The following KIFBP variants were observed in gnomAD, a reference collection of about 807,000 sequenced individuals.
KIFBP encodes KIF-binding protein.
In KIFBP, 46 loss-of-function variants were observed where a neutral mutation model predicts 58.9. The ratio of observed to expected loss-of-function variants is 0.78; its 90% CI spans 0.62 to 1.00. The LOEUF (loss-of-function observed/expected upper bound fraction) is 1.00. KIFBP is among the 50% of genes least tolerant of loss of function. The pLI is 0.00. For missense variants in KIFBP, 651 were observed against 752.9 expected, an observed-to-expected ratio of 0.86 and a Z score of 1.58; for synonymous variants, 241 against 283.4, an observed-to-expected ratio of 0.85 and a Z score of 1.50.
Position 68,994,174 on chromosome 10 carries a change from A to G in KIFBP, c.426+4916A>G, listed in dbSNP as rs201852755. ...GCACTCCAGCCTGGGTGACAGAGTA[A>G]GACCCTGTCTCAGAAAAAAAAAAAA... On this transcript the variant is annotated intron_variant, in intron 1 of 6. Transcript: ENST00000361983. Among the ~76,000 whole-genome samples, 18 of 152,162 alleles carry G rather than the reference A, an allele frequency of 1.2e-4. No homozygotes were observed. In the East Asian group the frequency reaches 3.1e-3, roughly 26 times the overall value.
At chr10:69,003,634 A>G (rs1298562360) in intron 2 of KIFBP, among the ~76,000 whole-genome samples, 1 of 152,164 alleles carries the variant, frequency 6.6e-6, no homozygotes, top group African/African-American at 2.4e-5. Context: ...AGATACTGTT[A>G]TTACCCTTAT....
chr10:69,016,692 A>G lies in KIFBP; in HGVS notation c.*276A>G. On this transcript the variant is annotated 3_prime_UTR_variant, in exon 7 of 7. Transcript: ENST00000361983. ...ACAGACATTTCTACCCTCAGTTTCTAAATGTAGACTATTTGTTGGCTAGTA... is the reference window on the plus strand; with the variant it reads ...ACAGACATTTCTACCCTCAGTTTCTGAATGTAGACTATTTGTTGGCTAGTA... The G allele has an allele frequency of 2.6e-6, 1 of 390,812 alleles. No homozygotes were observed. The highest frequency in any genetic ancestry group is 4.6e-6 in the Non-Finnish European group (1 of 215,070). 24.2% of individuals were successfully genotyped at this position (390,812 alleles called of 1,614,324 possible). A position where few individuals can be genotyped will look rare whatever the true frequency, so the allele number is the denominator to read the frequency against.
intron 1 of KIFBP, among the ~76,000 whole-genome samples, chr10:68,995,609 TATCTTTGTTTA>T: frequency 6.6e-6 from 1 of 152,388 alleles, no homozygotes; most frequent in Non-Finnish European, 1.5e-5. Context: ...TTTCTTGTTA[TATCTTTGTTTA>T]ATATGAGATG....
chr10:68,994,698 A>G (rs1843386262), intron 1 of KIFBP, among the ~76,000 whole-genome samples: 1 of 152,122 alleles, frequency 6.6e-6, no homozygotes, highest in African/African-American at 2.4e-5. Flanking sequence ...TTGAGTTGCA[A>G]TTGGCATATA....
At position 69,008,391 on chromosome 10, in the gene KIFBP, A is replaced by AAAAAAAAAAT; in HGVS notation, c.790-449_790-448insAAAAAAAATA. ...CCCCTGTCTCGTAAAAAAAAAAAAAAATATATATATATATATATATATATA... is the reference window on the plus strand; with the variant it reads ...CCCCTGTCTCGTAAAAAAAAAAAAAAAAAAAAAAATATATATATATATATATATATATATA... On this transcript the variant is annotated intron_variant, in intron 4 of 6. Coordinates refer to ENST00000361983, the MANE Select transcript of KIFBP (RefSeq NM_015634.4). 1.8e-4 allele frequency among the ~76,000 whole-genome samples: 13 copies of AAAAAAAAAAT among 71,612 alleles called. 1 individual carries two copies. Among genetic ancestry groups the AAAAAAAAAAT allele is most frequent in the African/African-American group, 1.0e-3 (13 of 12,882 alleles). 47.0% of individuals were successfully genotyped at this position (71,612 alleles called of 152,430 possible).
At chr10:69,007,184 G>C (rs1225453039) in intron 4 of KIFBP, among the ~76,000 whole-genome samples, 1 of 152,200 alleles carries the variant, frequency 6.6e-6, no homozygotes, top group Admixed American at 6.6e-5. Flanking sequence ...AAAATTTAAA[G>C]TTGTTAAGCA....
chr10:68,997,155 A>G (rs969555207), intron 1 of KIFBP, among the ~76,000 whole-genome samples: 1 of 152,164 alleles, frequency 6.6e-6, no homozygotes, highest in South Asian at 2.1e-4. Context: ...TTGAGATTGG[A>G]TAGTTCTCTC....
intron 2 of KIFBP, among the ~76,000 whole-genome samples, chr10:69,003,581 G>A (rs1202116407): frequency 1.3e-5 from 2 of 152,124 alleles, no homozygotes; most frequent in Non-Finnish European, 2.9e-5. Flanking sequence ...ACGTAAGAGG[G>A]GGTTGTAAGT....
At chr10:68,998,377 T>C (rs2132109409) in intron 1 of KIFBP, among the ~76,000 whole-genome samples, 1 of 152,328 alleles carries the variant, frequency 6.6e-6, no homozygotes, top group East Asian at 1.9e-4. Context: ...TATTTTGAGA[T>C]ATCTGCAAAC....
chr10:69,016,490 T>C lies in KIFBP; in HGVS notation c.*74T>C. On this transcript the variant is annotated 3_prime_UTR_variant, in exon 7 of 7. Transcript: ENST00000361983. The stretch of plus-strand genomic sequence containing the variant: ...CCCTAGTCAGACAGGCCCAATTCCA[T>C]TGTGATGTTTACCTTTATAGCCAGG... 2.0e-6 allele frequency: 3 copies of C among 1,478,676 alleles called. No homozygotes were observed. The highest frequency in any genetic ancestry group is 3.4e-5 in the Admixed American group (2 of 58,788). The allele number at this position is 1,478,676 out of a possible 1,614,324, so 91.6% of individuals were successfully genotyped here. A position where few individuals can be genotyped will look rare whatever the true frequency, so the allele number is the denominator to read the frequency against.
At position 69,011,070 on chromosome 10, in the gene KIFBP, A is replaced by C; in HGVS notation, c.990+55A>C. The C allele has an allele frequency of 4.2e-6, 5 of 1,195,408 alleles. No individual in the cohort carries two copies. In the East Asian group the frequency reaches 1.2e-4, roughly 28 times the overall value. The allele number at this position is 1,195,408 out of a possible 1,614,324, so 74.1% of individuals were successfully genotyped here. ...TCTTAAATGAGGAAATTGTAAGTAAAAACTCATAGTGGGGATTGTGCTCAT... is the reference window on the plus strand; with the variant it reads ...TCTTAAATGAGGAAATTGTAAGTAACAACTCATAGTGGGGATTGTGCTCAT... On this transcript the variant is annotated intron_variant, in intron 6 of 6. Coordinates refer to ENST00000361983, the MANE Select transcript of KIFBP (RefSeq NM_015634.4).
rs764512939 is a variant in KIFBP, at chr10:69,000,526, T to G, written c.525+4T>G. 3 of 1,537,976 alleles carry G rather than the reference T, an allele frequency of 2.0e-6. No homozygotes were observed. In the Admixed American group the frequency reaches 5.0e-5, roughly 26 times the overall value. ...ATATAATCAGTATATGAAAGAGGTA[T>G]GTTACATGTCAGATGAGTTTTAAGT... On this transcript the variant is annotated splice_donor_region_variant and intron_variant, in intron 2 of 6. Transcript: ENST00000361983.
At chr10:69,008,391 A>AAAAAAAAAATATAT in intron 4 of KIFBP, among the ~76,000 whole-genome samples, 26 of 71,586 alleles carry the variant, frequency 3.6e-4, no homozygotes, top group South Asian at 2.1e-3. Flanking sequence ...AAAAAAAAAA[A>AAAAAAAAAATATAT]ATATATATAT....
chr10:69,010,832 A>G, intron 5 of KIFBP, 68 bp from the exon 6 acceptor site: 1 of 1,032,278 alleles, frequency 9.7e-7, no homozygotes, highest in Non-Finnish European at 1.5e-6. Context: ...GATATTAAAA[A>G]AATTACAGTA....
In KIFBP at chr10:68,989,270, C is replaced by T. The variant is rs772950540; in HGVS notation, c.426+12C>T. On this transcript the variant is annotated intron_variant, in intron 1 of 6. Transcript: ENST00000361983. ...GCATCCAGGCGCAGGTGAGAGCGAG[C>T]CCGGCCAGGCCGGCCCCTGTTGGCA... 3.7e-6 allele frequency: 6 copies of T among 1,611,208 alleles called. No homozygotes were observed. In the African/African-American group the frequency reaches 8.0e-5, roughly 22 times the overall value.
intron 4 of KIFBP, among the ~76,000 whole-genome samples, chr10:69,008,391 A>AAAAAAAAATATATATATATATAT: frequency 1.4e-5 from 1 of 71,612 alleles, no homozygotes; most frequent in African/African-American, 7.8e-5. Context: ...AAAAAAAAAA[A>AAAAAAAAATATATATATATATAT]ATATATATAT....
At chr10:69,010,116 T>C (rs968037268) in intron 5 of KIFBP, among the ~76,000 whole-genome samples, 15 of 152,338 alleles carry the variant, frequency 9.8e-5, no homozygotes, top group African/African-American at 3.4e-4. Context: ...TATCGTGAGA[T>C]ATTATTTTGT....
At chr10:69,006,681 C>T (rs919813684) in intron 4 of KIFBP, among the ~76,000 whole-genome samples, 5 of 152,116 alleles carry the variant, frequency 3.3e-5, no homozygotes, top group East Asian at 1.9e-4. Flanking sequence ...ATTTCGAATT[C>T]GCAAGCCTCT....
intron 2 of KIFBP, 75 bp downstream of exon 2, chr10:69,000,597 G>C (rs559899271): frequency 1.6e-5 from 15 of 965,916 alleles, no homozygotes; most frequent in Non-Finnish European, 2.2e-5. Flanking sequence ...TCCCTCATTC[G>C]TAATATTGGT....
Sources: allele counts gnomAD v4.1 joint callset (sites outside exome capture counted in the v4.1 genomes callset), GRCh38; gene constraint gnomAD v4.1.1; transcripts MANE v1.5; gene names NCBI Gene and HGNC (gene_info 2026-07-23, HGNC 2026-07-21).